GPAT2: variants seen among roughly 807,000 people sequenced by gnomAD.
GPAT2 encodes glycerol-3-phosphate acyltransferase 2, mitochondrial, also known as 1-acylglycerol-3-phosphate O-acyltransferase GPAT2.
A neutral mutation model predicts 71.0 loss-of-function variants in GPAT2; 51 were observed. The ratio of observed to expected loss-of-function variants is 0.72; its 90% CI spans 0.57 to 0.91. GPAT2 has a LOEUF of 0.91. Among genes scored for constraint, GPAT2 ranks in the 40% least tolerant of loss-of-function variants. The pLI is 0.00. For missense variants in GPAT2, 511 were observed against 666.0 expected, an observed-to-expected ratio of 0.77 and a Z score of 2.56; for synonymous variants, 222 against 290.3, an observed-to-expected ratio of 0.76 and a Z score of 2.39.
In GPAT2 at chr2:96,024,339, T is replaced by G. The variant is rs1573853513; in HGVS notation, c.1688-2A>C. On this transcript the variant is annotated splice_acceptor_variant, in intron 15 of 21. Coordinates refer to ENST00000434632, the MANE Select transcript of GPAT2 (RefSeq NM_001321527.2). LOFTEE classifies it high-confidence loss of function. ...CCAGCAGCCCCCGCACTGCACAGGC[T>G]GGGGGCGGAGGGTCCATTATGAAGA... 6.3e-7 allele frequency: 1 copy of G among 1,593,074 alleles called. No individual in the cohort carries two copies. The highest frequency in any genetic ancestry group is 8.6e-7 in the Non-Finnish European group (1 of 1,167,040).
At position 96,022,722 on chromosome 2, in the gene GPAT2, C is replaced by T. The variant is rs1444584282; in HGVS notation, c.2235G>A (p.Glu745=). 2 of 1,613,956 alleles carry T rather than the reference C, an allele frequency of 1.2e-6. No individual in the cohort carries two copies. The highest frequency in any genetic ancestry group is 3.3e-5 in the Admixed American group (2 of 60,020). ...QATAQEEGIF[E]CADPKLAISA... ...TGATGGCGAGCTTTGGGTCCGCACACTCTGGAAAGAAGAGAGAAGTGAAGG... is the reference window on the plus strand; with the variant it reads ...TGATGGCGAGCTTTGGGTCCGCACATTCTGGAAAGAAGAGAGAAGTGAAGG... The change falls in exon 21 of 22, where the codon GAG becomes GAA. Residue 745 remains glutamate, a splice_region_variant and synonymous_variant. Transcript: ENST00000434632.
Position 96,024,484 on chromosome 2 carries a change from G to C in GPAT2, c.1630C>G (p.His544Asp), listed in dbSNP as rs1411637013. Residue 544 changes from histidine to aspartate, a missense_variant, in exon 15 of 22, where the codon CAC (histidine) becomes GAC (aspartate). His to Asp is a moderately conservative substitution (Grantham distance 81). Coordinates refer to ENST00000434632, the MANE Select transcript of GPAT2 (RefSeq NM_001321527.2). ...VVPQPGPGLT[H>D]LAQLSAELLP... ...AGCTCAGCACTCAGTTGTGCCAGGT[G>C]TGTGAGGCCTGGGCCAGGCTGCGGC... The C allele has an allele frequency of 6.2e-7, 1 of 1,614,032 alleles. No individual in the cohort carries two copies. Among genetic ancestry groups the C allele is most frequent in the South Asian group, 1.1e-5 (1 of 91,082 alleles).
chr2:96,022,872 T>C, intron 20 of GPAT2, 86 bp downstream of exon 20: 1 of 1,612,036 alleles, frequency 6.2e-7, no homozygotes, highest in Non-Finnish European at 8.5e-7. Context: ...CTTCCTAGAG[T>C]TGGGTTGTCA....
At chr2:96,022,771 C>T in intron 20 of GPAT2, 48 bp from the exon 21 acceptor site, 1 of 1,613,958 alleles carries the variant, frequency 6.2e-7, no homozygotes, top group Non-Finnish European at 8.5e-7. Context: ...GAACAGAGAG[C>T]CACTGGGCAC....
intron 1 of GPAT2, among the ~76,000 whole-genome samples, chr2:96,034,108 ACTT>A (rs1432554983): frequency 1.1e-3 from 156 of 143,814 alleles, no homozygotes; most frequent in African/African-American, 3.5e-3. Context: ...ACACACACAC[ACTT>A]CTTTGACTAC....
In GPAT2 at chr2:96,024,757, A is replaced by C. The variant is rs1680195102; in HGVS notation, c.1428+16T>G. 1 of 1,613,596 alleles carries C rather than the reference A, an allele frequency of 6.2e-7. No homozygotes were observed. Among genetic ancestry groups the C allele is most frequent in the African/African-American group, 1.3e-5 (1 of 74,834 alleles). Reference sequence around the variant, plus strand: ...CCCCCCCACCGCCCAGGTCCCCACCACATTGCACCCCCTACCTTCTGATGC... The same window carrying C: ...CCCCCCCACCGCCCAGGTCCCCACCCCATTGCACCCCCTACCTTCTGATGC... On this transcript the variant is annotated intron_variant, in intron 14 of 21. Coordinates refer to ENST00000434632, the MANE Select transcript of GPAT2 (RefSeq NM_001321527.2).
rs372040664 is a variant in GPAT2, at chr2:96,025,888, G to C, written c.1238+42C>G. ...ATACATAAGCTGGTGCTGAAGGGCT[G>C]CTTGCCTTGCCCCCTGAGACCCCAC... On this transcript the variant is annotated intron_variant, in intron 12 of 21. Transcript: ENST00000434632. The C allele has an allele frequency of 5.3e-5, 84 of 1,578,066 alleles. No individual in the cohort carries two copies. The African/African-American group carries it at 7.7e-4, about 14-fold the overall frequency.
In GPAT2 at chr2:96,024,813, G is replaced by C. The variant is rs764669978; in HGVS notation, c.1388C>G (p.Thr463Arg). ...ASVGSSAVMS[T>R]AIMATLLLFK... ...GAGCAGCAGCGTTGCCATAATGGCC[G>C]TGCTCATCACCGCAGAGCTCCCTAC... Residue 463 changes from threonine to arginine, a missense_variant, in exon 14 of 22, where the codon ACG (threonine) becomes AGG (arginine). Transcript: ENST00000434632. 6.2e-7 allele frequency: 1 copy of C among 1,613,634 alleles called. No homozygotes were observed. The highest frequency in any genetic ancestry group is 8.5e-7 in the Non-Finnish European group (1 of 1,179,988).
At chr2:96,033,956 T>C (rs1680843986) in intron 1 of GPAT2, among the ~76,000 whole-genome samples, 3 of 150,694 alleles carry the variant, frequency 2.0e-5, no homozygotes, top group African/African-American at 4.9e-5. Context: ...ATTCAACTCA[T>C]AGACACATAT....
rs768487413 is a variant in GPAT2 at position 96,024,586 on chromosome 2, G to C, written c.1528C>G (p.Leu510Val). The C allele has an allele frequency of 2.5e-6, 4 of 1,613,852 alleles. No homozygotes were observed. The highest frequency in any genetic ancestry group is 2.2e-5 in the East Asian group (1 of 44,878). ...DVGFSGQLRSLLQHSLSLLRA... is the reference protein window; with the variant it reads ...DVGFSGQLRSVLQHSLSLLRA... ...AGCAGGCTCAGTGAGTGCTGCAGCAGGCTCCGCAGCTGCCCAGAGAAGCCT... is the reference window on the plus strand; with the variant it reads ...AGCAGGCTCAGTGAGTGCTGCAGCACGCTCCGCAGCTGCCCAGAGAAGCCT... Residue 510 changes from leucine (L) to valine (V), a missense_variant, in exon 15 of 22, where the codon CTG becomes GTG. By Grantham distance (32) the Leu-to-Val change is conservative. Around this residue, in one of 7 missense-constraint regions of GPAT2, gnomAD observed 295 missense variants for 305.5 expected, o/e 0.97. Coordinates refer to ENST00000434632, the MANE Select transcript of GPAT2 (RefSeq NM_001321527.2).
In GPAT2 at chr2:96,026,316, G is replaced by T. The variant is rs773880896; in HGVS notation, c.1033-11C>A. 6.6e-7 allele frequency: 1 copy of T among 1,515,152 alleles called. No homozygotes were observed. The highest frequency in any genetic ancestry group is 1.3e-5 in the South Asian group (1 of 77,662). The allele number at this position is 1,515,152 out of a possible 1,614,324, so 93.9% of individuals were successfully genotyped here. ...CAGGGGGGCCGAGGCCTGCAAGGAG[G>T]GAAAGGATAACTATACTCGCCGAGG... On this transcript the variant is annotated splice_polypyrimidine_tract_variant and intron_variant, in intron 10 of 21. Coordinates refer to ENST00000434632, the MANE Select transcript of GPAT2 (RefSeq NM_001321527.2).
Position 96,024,221 on chromosome 2 carries a change from G to A in GPAT2, c.1804C>T (p.His602Tyr). The change falls in exon 16 of 22, where the codon CAC (histidine) becomes TAC (tyrosine). Residue 602 changes from histidine (H) to tyrosine (Y), a missense_variant. By Grantham distance (83) the His-to-Tyr change is moderately conservative. Coordinates refer to ENST00000434632, the MANE Select transcript of GPAT2 (RefSeq NM_001321527.2). ...ELYRQILLLM[H>Y]LLPQDLLLLK... ...AGCAGCAGGTCTTGCGGCAGCAGGT[G>A]CATCAGCAGCAGGATCTGGCGGTAC... 6.5e-7 allele frequency: 1 copy of A among 1,539,344 alleles called. No individual in the cohort carries two copies. Among genetic ancestry groups the A allele is most frequent in the Non-Finnish European group, 8.8e-7 (1 of 1,137,634 alleles).
rs1445406044 is a variant in GPAT2 at position 96,024,623 on chromosome 2, A to T, written c.1491T>A (p.Arg497=). The change falls in exon 15 of 22, where the codon CGT becomes CGA. Residue 497 remains arginine, a synonymous_variant. Transcript: ENST00000434632. ...FSWLTEEILL[R]GFDVGFSGQL... is the part of the protein sequence containing the mutation. ...GCCCAGAGAAGCCTACATCAAAGCC[A>T]CGCAACAGTATCTCCTCCGTCAGCC... 3.1e-6 allele frequency: 5 copies of T among 1,613,688 alleles called. No individual in the cohort carries two copies. Among genetic ancestry groups the T allele is most frequent in the Non-Finnish European group, 4.2e-6 (5 of 1,179,926 alleles).
chr2:96,023,230 G>A lies in GPAT2; in HGVS notation c.2047-4C>T, dbSNP rs1679912629. On this transcript the variant is annotated splice_region_variant and splice_polypyrimidine_tract_variant and intron_variant, in intron 18 of 21. Transcript: ENST00000434632. ...GGCAGTGTGACTGCTGGCTGAGCTGGAGGGGACAGGCCGGGGTGAGTGCAG... is the reference window on the plus strand; with the variant it reads ...GGCAGTGTGACTGCTGGCTGAGCTGAAGGGGACAGGCCGGGGTGAGTGCAG... 7.4e-6 allele frequency: 12 copies of A among 1,610,936 alleles called. No homozygotes were observed. Among genetic ancestry groups the A allele is most frequent in the Non-Finnish European group, 8.5e-6 (10 of 1,178,750 alleles).
rs749150639 is a variant in GPAT2, at chr2:96,024,585, A to G, written c.1529T>C (p.Leu510Pro). 1 of 1,613,822 alleles carries G rather than the reference A, an allele frequency of 6.2e-7. No homozygotes were observed. The highest frequency in any genetic ancestry group is 8.5e-7 in the Non-Finnish European group (1 of 1,179,912). Residue 510 changes from leucine to proline, a missense_variant, in exon 15 of 22, where the codon CTG becomes CCG. Physicochemically the swap from Leu to Pro is moderately conservative, Grantham distance 98. Coordinates refer to ENST00000434632, the MANE Select transcript of GPAT2 (RefSeq NM_001321527.2). ...DVGFSGQLRS[L>P]LQHSLSLLRA... Reference sequence around the variant, plus strand: ...CAGCAGGCTCAGTGAGTGCTGCAGCAGGCTCCGCAGCTGCCCAGAGAAGCC... The same window carrying G: ...CAGCAGGCTCAGTGAGTGCTGCAGCGGGCTCCGCAGCTGCCCAGAGAAGCC...
rs184966843 is a variant in GPAT2 at position 96,022,714 on chromosome 2, T to G, written c.2243A>C (p.Asp748Ala). Reference sequence around the variant, plus strand: ...GACAGCACTGATGGCGAGCTTTGGGTCCGCACACTCTGGAAAGAAGAGAGA... The same window carrying G: ...GACAGCACTGATGGCGAGCTTTGGGGCCGCACACTCTGGAAAGAAGAGAGA... Reference protein sequence around the residue: ...AQEEGIFECADPKLAISAVWT... With the variant: ...AQEEGIFECAAPKLAISAVWT... Residue 748 changes from aspartate (D) to alanine (A), a missense_variant, in exon 21 of 22, where the codon GAC becomes GCC. Physicochemically the swap from Asp to Ala is moderately radical, Grantham distance 126 (BLOSUM62 -2). This residue lies in a region of GPAT2 where 108 missense variants were observed against 117.6 expected (regional missense o/e 0.92). Coordinates refer to ENST00000434632, the MANE Select transcript of GPAT2 (RefSeq NM_001321527.2). 157 of 1,613,878 alleles carry G rather than the reference T, an allele frequency of 9.7e-5. No individual in the cohort carries two copies. The African/African-American group carries it at 1.8e-3, about 18-fold the overall frequency.
intron 14 of GPAT2, 42 bp downstream of exon 14, chr2:96,024,731 C>A (rs1289490087): frequency 6.3e-7 from 1 of 1,584,544 alleles, no homozygotes; most frequent in Non-Finnish European, 8.6e-7. Flanking sequence ...CACATCGCCA[C>A]CCCCCCCACC....
chr2:96,021,976 C>G lies in GPAT2; in HGVS notation c.*183G>C. The G allele has an allele frequency of 7.9e-6, 11 of 1,401,120 alleles. No homozygotes were observed. Among genetic ancestry groups the G allele is most frequent in the Non-Finnish European group, 9.5e-6 (10 of 1,054,970 alleles). The allele number at this position is 1,401,120 out of a possible 1,614,324, so 86.8% of individuals were successfully genotyped here. ...CTGGGCTGGGGAAAAGACAACTCGT[C>G]TCGTCCCCTTGTTTATCACATCAAA... On this transcript the variant is annotated 3_prime_UTR_variant, in exon 22 of 22. Transcript: ENST00000434632.
chr2:96,026,806 A>G lies in GPAT2; in HGVS notation c.923T>C (p.Val308Ala), dbSNP rs1317088135. ...CTGGACTGCCTGCACCACAAACCCC[A>G]CCCAAGCCTGGCCCAGGGCTGACAG... ...PRLSALGQAW[V>A]GFVVQAVQVG... Residue 308 changes from valine to alanine, a missense_variant, in exon 10 of 22, where the codon GTG becomes GCG. Val to Ala is a moderately conservative substitution (Grantham distance 64). Coordinates refer to ENST00000434632, the MANE Select transcript of GPAT2 (RefSeq NM_001321527.2). 1 of 29,084 alleles carries G rather than the reference A, an allele frequency of 3.4e-5. No individual in the cohort carries two copies. The highest frequency in any genetic ancestry group is 5.8e-5 in the Non-Finnish European group (1 of 17,244). 1.8% of individuals were successfully genotyped at this position (29,084 alleles called of 1,614,324 possible). A position where few individuals can be genotyped will look rare whatever the true frequency, so the allele number is the denominator to read the frequency against.
Sources: allele counts gnomAD v4.1 joint callset (sites outside exome capture counted in the v4.1 genomes callset), GRCh38; gene constraint gnomAD v4.1.1; regional missense constraint gnomAD v4.1.1; transcripts MANE v1.5; gene names NCBI Gene and HGNC (gene_info 2026-07-23, HGNC 2026-07-21).